The following ANKDD1A variants were observed in gnomAD, a reference collection of about 807,000 sequenced individuals.
ANKDD1A encodes the protein ankyrin repeat and death domain containing 1A.
In ANKDD1A, 59 loss-of-function variants were observed where a neutral mutation model predicts 63.5. The observed-to-expected ratio is 0.93, with a 90% CI of 0.75 to 1.15. ANKDD1A has a LOEUF of 1.15. ANKDD1A is among the 50% of genes most tolerant of loss of function. ANKDD1A has a pLI of 0.00. For synonymous variants in ANKDD1A, 266 were observed against 263.9 expected, an observed-to-expected ratio of 1.01 and a Z score of -0.08; for missense variants, 632 against 656.4, an observed-to-expected ratio of 0.96 and a Z score of 0.41.
chr15:64,953,964 TTTC>T (rs1555397941), intron 14 of ANKDD1A, among the ~76,000 whole-genome samples: 6 of 36,798 alleles, frequency 1.6e-4, no homozygotes, highest in Non-Finnish European at 4.1e-4. Flanking sequence ...TGTTTCTTTT[TTTC>T]TTCTTTCTTC....
intron 12 of ANKDD1A, among the ~76,000 whole-genome samples, chr15:64,946,353 G>A (rs1229006238): frequency 6.6e-6 from 1 of 152,104 alleles, no homozygotes; most frequent in Non-Finnish European, 1.5e-5. Flanking sequence ...CACTGTTTCA[G>A]AATCAATTGG....
Position 64,945,607 on chromosome 15 carries a change from CAT to C in ANKDD1A, c.1161+883_1161+884del, listed in dbSNP as rs61390435. ...TTAGAGGGATTAAATGCATTTTCAA[CAT>C]ATATATATATATATATATATATGAA... On this transcript the variant is annotated intron_variant, in intron 12 of 14. Coordinates refer to ENST00000319580, the MANE Select transcript of ANKDD1A (RefSeq NM_182703.6). 2.5e-3 allele frequency among the ~76,000 whole-genome samples: 183 copies of C among 73,868 alleles called. 11 individuals are homozygous for C. In the East Asian group the frequency reaches 0.055, roughly 22 times the overall value. The allele number at this position is 73,868 out of a possible 152,430, so 48.5% of individuals were successfully genotyped here. A position where few individuals can be genotyped will look rare whatever the true frequency, so the allele number is the denominator to read the frequency against.
intron 14 of ANKDD1A, chr15:64,950,736 C>A (rs2085263118): frequency 1.6e-5 from 5 of 306,690 alleles, no homozygotes; most frequent in Non-Finnish European, 1.8e-5. Flanking sequence ...ACCGCCCCCC[C>A]CCCCCCCCCC....
chr15:64,954,376 T>TCCTC lies in ANKDD1A; in HGVS notation c.1484-2727_1484-2726insCCTC, dbSNP rs2085383491. On this transcript the variant is annotated intron_variant, in intron 14 of 14. Transcript: ENST00000319580. ...TTCTCTTCTTCTCCTTCTTCTTCCT[T>TCCTC]TTCTTTTCTTCTTCTTTCTTCTTCC... Among the ~76,000 whole-genome samples, 2 of 137,930 alleles carry TCCTC rather than the reference T, an allele frequency of 1.5e-5. 1 individual carries two copies. The highest frequency in any genetic ancestry group is 4.2e-4 in the East Asian group (2 of 4,790). 90.5% of individuals were successfully genotyped at this position (137,930 alleles called of 152,430 possible).
chr15:64,944,972 G>T (rs2085211840), intron 12 of ANKDD1A, among the ~76,000 whole-genome samples: 1 of 152,202 alleles, frequency 6.6e-6, no homozygotes, highest in South Asian at 2.1e-4. Flanking sequence ...TGCCAGCGTG[G>T]AGATACTGCT....
Position 64,949,710 on chromosome 15 carries a change from T to C in ANKDD1A, c.1352-131T>C. The stretch of plus-strand genomic sequence containing the variant: ...CTTGGCTGGAGCATGGAGAAGGGCC[T>C]TGGAGGCTTTTGGCCTCTTTCCCAC... On this transcript the variant is annotated intron_variant, in intron 13 of 14. Coordinates refer to ENST00000319580, the MANE Select transcript of ANKDD1A (RefSeq NM_182703.6). The C allele has an allele frequency of 5.8e-6, 8 of 1,373,746 alleles. No individual in the cohort carries two copies. In the East Asian group the frequency reaches 2.0e-4, roughly 34 times the overall value. 85.1% of individuals were successfully genotyped at this position (1,373,746 alleles called of 1,614,324 possible).
intron 1 of ANKDD1A, among the ~76,000 whole-genome samples, chr15:64,912,741 C>G (rs933442446): frequency 6.6e-6 from 1 of 152,236 alleles, no homozygotes; most frequent in Non-Finnish European, 1.5e-5. Flanking sequence ...CCCTCAAAAG[C>G]GCATAGTGCA....
At chr15:64,937,099 G>C (rs1169655742) in intron 9 of ANKDD1A, among the ~76,000 whole-genome samples, 1 of 152,142 alleles carries the variant, frequency 6.6e-6, no homozygotes, top group African/African-American at 2.4e-5. Flanking sequence ...ACTGGAAGGA[G>C]TAGAAGTTGG....
chr15:64,949,854 T>A lies in ANKDD1A; in HGVS notation c.1365T>A (p.Tyr455Ter), dbSNP rs1211306883. The A allele has an allele frequency of 6.2e-7, 1 of 1,602,340 alleles. No individual in the cohort carries two copies. Among genetic ancestry groups the A allele is most frequent in the Non-Finnish European group, 8.5e-7 (1 of 1,179,856 alleles). The stretch of plus-strand genomic sequence containing the variant: ...CACTGTTCTCAGGCACCAGGAGCTA[T>A]CAGGAGCACGGCCACCGAATGCTGC... ...IEQQWTGTRS[Y>*]QEHGHRMLLI... Residue 455 changes from tyrosine (Y) to a stop codon, truncating the protein, a stop_gained, in exon 14 of 15, where the codon TAT becomes TAA. Transcript: ENST00000319580. LOFTEE classifies it high-confidence loss of function.
chr15:64,942,672 CTTTTT>C (rs3057944), intron 10 of ANKDD1A, 107 bp downstream of exon 10: 138 of 474,810 alleles, frequency 2.9e-4, no homozygotes, highest in East Asian at 5.5e-4. Flanking sequence ...TGAGGAATCA[CTTTTT>C]TTTTTTTTTT....
At chr15:64,943,383 G>T (rs1052901394) in intron 10 of ANKDD1A, 101 bp from the exon 11 acceptor site, 6 of 931,786 alleles carry the variant, frequency 6.4e-6, no homozygotes, top group Non-Finnish European at 8.6e-6. Flanking sequence ...TTAAAGAAAA[G>T]ACTAGAAGAA....
At chr15:64,918,981 CT>C (rs2084989748) in intron 3 of ANKDD1A, among the ~76,000 whole-genome samples, 2 of 151,950 alleles carry the variant, frequency 1.3e-5, no homozygotes, top group East Asian at 1.9e-4. Context: ...CTCTCTGTTT[CT>C]TTTGCAAATG....
intron 6 of ANKDD1A, among the ~76,000 whole-genome samples, chr15:64,928,609 C>A (rs538898084): frequency 6.6e-6 from 1 of 152,264 alleles, no homozygotes; most frequent in South Asian, 2.1e-4. Flanking sequence ...GGGGGATAGA[C>A]CTCTTAGAGT....
chr15:64,915,714 G>C, intron 1 of ANKDD1A, 83 bp from the exon 2 acceptor site: 1 of 1,177,890 alleles, frequency 8.5e-7, no homozygotes, highest in Non-Finnish European at 1.3e-6. Context: ...AAATGTTCAG[G>C]AGTGGAAATG....
At chr15:64,916,898 G>A (rs1567109258) in intron 2 of ANKDD1A, among the ~76,000 whole-genome samples, 1 of 152,224 alleles carries the variant, frequency 6.6e-6, no homozygotes, top group Admixed American at 6.5e-5. Context: ...TGAGAATGAG[G>A]TGGTGGGTCA....
At chr15:64,931,740 T>G (rs1004098558) in intron 8 of ANKDD1A, 155 bp downstream of exon 8, 1 of 765,276 alleles carries the variant, frequency 1.3e-6, no homozygotes, top group Admixed American at 2.4e-5. Flanking sequence ...TGCTGAGCCC[T>G]GTGACCTGGA....
chr15:64,944,682 C>T lies in ANKDD1A; in HGVS notation c.1096C>T (p.Arg366Cys), dbSNP rs144426862. Residue 366 changes from arginine (R) to cysteine (C), a missense_variant, in exon 12 of 15, where the codon CGC becomes TGC. Transcript: ENST00000319580. ...QGKTALAVAV[R>C]SNHVSLVDMI... ...AAAAACCGCCCTGGCAGTGGCCGTC[C>T]GCAGCAACCATGTCAGCCTGGTGGA... 1,550 of 1,614,046 alleles carry T rather than the reference C, an allele frequency of 9.6e-4. 9 individuals are homozygous for T. The highest frequency in any genetic ancestry group is 5.7e-3 in the South Asian group (516 of 91,066).
intron 14 of ANKDD1A, chr15:64,950,539 C>A (rs1454753487): frequency 2.0e-6 from 2 of 985,282 alleles, no homozygotes; most frequent in African/African-American, 3.5e-5. Flanking sequence ...GATGAAAAAG[C>A]CTTAAACGCT....
Position 64,954,136 on chromosome 15 carries a change from C to T in ANKDD1A, c.1484-2967C>T, listed in dbSNP as rs1256779786. On this transcript the variant is annotated intron_variant, in intron 14 of 14. Coordinates refer to ENST00000319580, the MANE Select transcript of ANKDD1A (RefSeq NM_182703.6). ...CTTTCTTTTCTCCTTTCTTCTTCCT[C>T]TTTCTTCTTGTTCCTTATTATTCTT... Among the ~76,000 whole-genome samples, 47 of 138,232 alleles carry T rather than the reference C, an allele frequency of 3.4e-4. 1 individual carries two copies. The highest frequency in any genetic ancestry group is 4.3e-3 in the Middle Eastern group (1 of 234). 90.7% of individuals were successfully genotyped at this position (138,232 alleles called of 152,430 possible). A position where few individuals can be genotyped will look rare whatever the true frequency, so the allele number is the denominator to read the frequency against.
Sources: allele counts gnomAD v4.1 joint callset (sites outside exome capture counted in the v4.1 genomes callset), GRCh38; gene constraint gnomAD v4.1.1; transcripts MANE v1.5; gene names NCBI Gene and HGNC (gene_info 2026-07-23, HGNC 2026-07-21).